SCFD2: variants seen among roughly 807,000 people sequenced by gnomAD.
The protein encoded by SCFD2 is sec1 family domain-containing protein 2.
A neutral mutation model predicts 58.9 loss-of-function variants in SCFD2; 54 were observed. The observed-to-expected ratio is 0.92, with a 90% confidence interval of 0.74 to 1.15. The LOEUF (loss-of-function observed/expected upper bound fraction) is 1.15, where lower values mean the gene tolerates loss of function less well. Ranked by LOEUF, SCFD2 falls within the 50% of genes most tolerant of loss-of-function variation. The pLI is 0.00. For synonymous variants in SCFD2, 321 were observed against 335.9 expected, an observed-to-expected ratio of 0.96 and a Z score of 0.49; for missense variants, 805 against 836.6, an observed-to-expected ratio of 0.96 and a Z score of 0.47.
chr4:53,042,296 T>C (rs1397843714), intron 5 of SCFD2, among the ~76,000 whole-genome samples: 1 of 152,150 alleles, frequency 6.6e-6, no homozygotes, highest in Non-Finnish European at 1.5e-5. Context: ...TTTATTTCTA[T>C]GTAAGTAGTA....
chr4:53,042,333 GTGTGTATATATATATATA>G (rs1465876552), intron 5 of SCFD2, among the ~76,000 whole-genome samples: 15 of 151,806 alleles, frequency 9.9e-5, no homozygotes, highest in Non-Finnish European at 4.4e-5. Flanking sequence ...AAATGTGTGT[GTGTGTATATATATATATA>G]TATCATCAAA....
intron 4 of SCFD2, among the ~76,000 whole-genome samples, chr4:53,207,311 T>TAA (rs755241030): frequency 5.5e-5 from 6 of 109,710 alleles, no homozygotes; most frequent in Non-Finnish European, 5.7e-5. Flanking sequence ...ACATTTTTGC[T>TAA]AAAAAAAAAA....
chr4:52,966,743 T>C (rs1401686820), intron 5 of SCFD2, among the ~76,000 whole-genome samples: 1 of 151,910 alleles, frequency 6.6e-6, no homozygotes, highest in Non-Finnish European at 1.5e-5. Flanking sequence ...AGTCTGGTAC[T>C]TTTTTTTACT....
chr4:52,991,366 A>G (rs1721609225), intron 5 of SCFD2, among the ~76,000 whole-genome samples: 1 of 152,240 alleles, frequency 6.6e-6, no homozygotes, highest in African/African-American at 2.4e-5. Context: ...GGTACACTGT[A>G]GAGTCACTCC....
At chr4:53,122,829 T>C (rs944903531) in intron 5 of SCFD2, among the ~76,000 whole-genome samples, 28 of 152,236 alleles carry the variant, frequency 1.8e-4, no homozygotes, top group Admixed American at 5.2e-4. Context: ...ATGGCAGCTG[T>C]ACTTATTCTA....
intron 5 of SCFD2, among the ~76,000 whole-genome samples, chr4:53,086,169 G>A (rs1381746400): frequency 1.3e-5 from 2 of 151,944 alleles, no homozygotes; most frequent in Non-Finnish European, 1.5e-5. Flanking sequence ...CGAGGAGCTC[G>A]AACAATTGTA....
intron 4 of SCFD2, among the ~76,000 whole-genome samples, chr4:53,195,168 A>C (rs1300626354): frequency 6.6e-6 from 1 of 152,282 alleles, no homozygotes; most frequent in East Asian, 1.9e-4. Context: ...CAGCTTCGTC[A>C]ATTTAAAAAT....
chr4:53,182,659 T>A (rs1248646431), intron 4 of SCFD2, among the ~76,000 whole-genome samples: 1 of 152,228 alleles, frequency 6.6e-6, no homozygotes, highest in African/African-American at 2.4e-5. Flanking sequence ...AAATGGGATC[T>A]CATTAAACTA....
intron 4 of SCFD2, among the ~76,000 whole-genome samples, chr4:53,207,602 T>A (rs866860974): frequency 0.028 from 1 of 36 alleles, no homozygotes; most frequent in African/African-American, 0.1. Flanking sequence ...TATATAATAT[T>A]TATATATATA....
chr4:53,069,993 A>G (rs888088570), intron 5 of SCFD2, among the ~76,000 whole-genome samples: 6 of 152,138 alleles, frequency 3.9e-5, no homozygotes, highest in Middle Eastern at 3.4e-3. Context: ...TATGTTGACA[A>G]TTAAATTAGT....
intron 3 of SCFD2, among the ~76,000 whole-genome samples, chr4:53,302,172 G>A (rs1430397927): frequency 2.0e-5 from 3 of 152,174 alleles, no homozygotes; most frequent in East Asian, 1.9e-4. Context: ...GTCCCTGTTT[G>A]CAGATGACAT....
rs1725990690 is a variant in SCFD2 at position 53,137,932 on chromosome 4, C to A, written c.1561+7401G>T. ...TGCCAAGCTGCTGCTTCACCTCAGTCCACAGGTCAACTGGGTAGGACCTAG... is the reference window on the plus strand; with the variant it reads ...TGCCAAGCTGCTGCTTCACCTCAGTACACAGGTCAACTGGGTAGGACCTAG... On this transcript the variant is annotated intron_variant, in intron 5 of 8. Transcript: ENST00000401642. Among the ~76,000 whole-genome samples the A allele has an allele frequency of 3.3e-5, 5 of 152,188 alleles. No individual in the cohort carries two copies. The South Asian group carries it at 1.0e-3, about 32-fold the overall frequency.
chr4:52,953,018 T>C (rs1720636512), intron 5 of SCFD2, among the ~76,000 whole-genome samples: 1 of 152,210 alleles, frequency 6.6e-6, no homozygotes, highest in Non-Finnish European at 1.5e-5. Flanking sequence ...CCAGCAACTT[T>C]TTCTGCTGGG....
chr4:53,067,862 G>A (rs1259632205), intron 5 of SCFD2, among the ~76,000 whole-genome samples: 4 of 152,092 alleles, frequency 2.6e-5, no homozygotes, highest in Non-Finnish European at 5.9e-5. Context: ...AATCTAGCAG[G>A]TGAATAGTCT....
In SCFD2 at chr4:53,141,594, C is replaced by T. The variant is rs144565573; in HGVS notation, c.1561+3739G>A. On this transcript the variant is annotated intron_variant, in intron 5 of 8. Coordinates refer to ENST00000401642, the MANE Select transcript of SCFD2 (RefSeq NM_152540.4). ...AATGCTTTTATATACATGTACAATG[C>T]TTACACACAAAGTCAATGTTGTGAT... Among the ~76,000 whole-genome samples, 17 of 151,868 alleles carry T rather than the reference C, an allele frequency of 1.1e-4. No homozygotes were observed. In the East Asian group the frequency reaches 3.3e-3, roughly 29 times the overall value.
At chr4:52,931,478 T>C (rs301122) in intron 5 of SCFD2, among the ~76,000 whole-genome samples, 5 of 152,020 alleles carry the variant, frequency 3.3e-5, no homozygotes, top group African/African-American at 1.2e-4. Flanking sequence ...AGCTGGCAGT[T>C]TTCCTGTTAA....
intron 5 of SCFD2, among the ~76,000 whole-genome samples, chr4:52,947,968 CAAAAAAAAAAAA>C (rs34494471): frequency 1.4e-4 from 5 of 35,202 alleles, no homozygotes; most frequent in Non-Finnish European, 2.9e-4. Flanking sequence ...AAAAATAGGC[CAAAAAAAAAAAA>C]AAAAAAAAAG....
chr4:53,134,532 CGTG>C (rs1466470934), intron 5 of SCFD2, among the ~76,000 whole-genome samples: 1 of 151,980 alleles, frequency 6.6e-6, no homozygotes, highest in Non-Finnish European at 1.5e-5. Flanking sequence ...TTTTAAAAAG[CGTG>C]GTTCACTACA....
chr4:53,257,817 G>T (rs1282322300), intron 4 of SCFD2, among the ~76,000 whole-genome samples: 2 of 151,648 alleles, frequency 1.3e-5, no homozygotes, highest in Non-Finnish European at 2.9e-5. Flanking sequence ...ATCTCTTTAT[G>T]TCTGGAAATC....
Sources: gnomAD v4.1 joint callset for allele counts (sites outside exome capture counted in the v4.1 genomes callset) on GRCh38, gnomAD v4.1.1 for gene constraint, MANE v1.5 for transcripts, NCBI Gene and HGNC (gene_info 2026-07-23, HGNC 2026-07-21) for gene names.